The following EIF4G3 variants were observed in gnomAD, a reference collection of about 807,000 sequenced individuals.
The protein encoded by EIF4G3 is eukaryotic translation initiation factor 4 gamma 3.
In EIF4G3, 34 loss-of-function variants were observed where a neutral mutation model predicts 186.4. The ratio of observed to expected loss-of-function variants is 0.18; its 90% confidence interval spans 0.14 to 0.24. EIF4G3 has a LOEUF of 0.24. EIF4G3 is among the 10% of genes least tolerant of loss of function. The pLI, the probability that EIF4G3 is intolerant of heterozygous loss-of-function variation, is 1.00. For missense variants in EIF4G3, 1,536 were observed against 1,948.5 expected (o/e 0.79, Z 3.99); for synonymous variants, 673 against 679.5 (o/e 0.99, Z 0.15).
At chr1:21,081,807 A>C (rs1007709207) in intron 3 of EIF4G3, among the ~76,000 whole-genome samples, 3 of 151,932 alleles carry the variant, frequency 2.0e-5, no homozygotes, top group African/African-American at 7.3e-5. Context: ...ATACCCAGCT[A>C]ATTTTTTGTA....
chr1:21,094,196 G>A (rs1269098143), intron 2 of EIF4G3, among the ~76,000 whole-genome samples: 5 of 151,742 alleles, frequency 3.3e-5, no homozygotes, highest in Admixed American at 6.6e-5. Flanking sequence ...CAACCATTGT[G>A]GAAGACAGTG....
chr1:20,809,876 G>T (rs562810748), intron 36 of EIF4G3, among the ~76,000 whole-genome samples: 1 of 152,286 alleles, frequency 6.6e-6, no homozygotes, highest in South Asian at 2.1e-4. Context: ...TACCATCACT[G>T]TGGAAAGTTT....
At chr1:20,846,022 C>T (rs1208463350) in intron 29 of EIF4G3, among the ~76,000 whole-genome samples, 2 of 152,054 alleles carry the variant, frequency 1.3e-5, no homozygotes, top group Non-Finnish European at 2.9e-5. Flanking sequence ...CCTTCACTTC[C>T]CTTGTTAGCT....
intron 7 of EIF4G3, among the ~76,000 whole-genome samples, chr1:20,993,225 ACTCAAAAAGAG>A (rs1390457207): frequency 6.6e-6 from 1 of 152,124 alleles, no homozygotes; most frequent in Non-Finnish European, 1.5e-5. Flanking sequence ...ATTTGTGGGG[ACTCAAAAAGAG>A]CTCTAGCCCT....
intron 30 of EIF4G3, among the ~76,000 whole-genome samples, chr1:20,839,023 G>A (rs2067616444): frequency 6.6e-6 from 1 of 152,132 alleles, no homozygotes; most frequent in South Asian, 2.1e-4. Context: ...CTGTCGCCCA[G>A]AATGGAGTGC....
intron 14 of EIF4G3, among the ~76,000 whole-genome samples, chr1:20,922,733 T>C (rs554016256): frequency 2.6e-4 from 40 of 152,302 alleles, no homozygotes; most frequent in African/African-American, 9.6e-4. Flanking sequence ...ACCAACCCAC[T>C]TAGTGTGCAC....
rs563288141 is a variant in EIF4G3, at chr1:21,124,175, G to A, written c.-271-34962C>T. ...CTGTGGTCGTGGGCGCCTGTAATCC[G>A]AGCTACTTGGGAGGCAGAGGCAGAA... On this transcript the variant is annotated intron_variant, in intron 2 of 36. Coordinates refer to ENST00000602326, the MANE Select transcript of EIF4G3 (RefSeq NM_001391906.1). Among the ~76,000 whole-genome samples the A allele has an allele frequency of 6.6e-5, 10 of 151,936 alleles. No individual in the cohort carries two copies. The South Asian group carries it at 1.0e-3, about 16-fold the overall frequency.
intron 4 of EIF4G3, among the ~76,000 whole-genome samples, chr1:21,016,212 C>T (rs923244378): frequency 6.6e-6 from 1 of 152,078 alleles, no homozygotes; most frequent in Non-Finnish European, 1.5e-5. Context: ...ATTATTATCA[C>T]CTTAAAATAC....
intron 11 of EIF4G3, 60 bp from the exon 12 acceptor site, chr1:20,969,656 G>C: frequency 1.3e-6 from 2 of 1,541,248 alleles, no homozygotes; most frequent in Non-Finnish European, 8.9e-7. Flanking sequence ...AAATTTATAG[G>C]CATATAAGTG....
At position 20,893,497 on chromosome 1, in the gene EIF4G3, T is replaced by C; in HGVS notation, c.2253+20A>G. The C allele has an allele frequency of 6.3e-7, 1 of 1,581,364 alleles. No homozygotes were observed. The highest frequency in any genetic ancestry group is 8.6e-7 in the Non-Finnish European group (1 of 1,156,412). Reference sequence around the variant, plus strand: ...TGTGCCAGTGTCTAACTAAGTGAGTTGTAGGGAACTTGCACTTACAGGTAC... The same window carrying C: ...TGTGCCAGTGTCTAACTAAGTGAGTCGTAGGGAACTTGCACTTACAGGTAC... On this transcript the variant is annotated intron_variant, in intron 18 of 36. Transcript: ENST00000602326.
chr1:20,975,533 T>G (rs1440226545), intron 10 of EIF4G3, among the ~76,000 whole-genome samples: 1 of 151,420 alleles, frequency 6.6e-6, no homozygotes, highest in African/African-American at 2.4e-5. Flanking sequence ...TAGCAAAACA[T>G]TAAGTCTTCT....
In EIF4G3 at chr1:20,943,968, T is replaced by TGTGTGTGTGTGTGTGTGTG. The variant is rs1558362029; in HGVS notation, c.824-1639_824-1638insCACACACACACACACACAC. Among the ~76,000 whole-genome samples, 17 of 11,952 alleles carry TGTGTGTGTGTGTGTGTGTG rather than the reference T, an allele frequency of 1.4e-3. 3 individuals are homozygous for TGTGTGTGTGTGTGTGTGTG. Among genetic ancestry groups the TGTGTGTGTGTGTGTGTGTG allele is most frequent in the East Asian group, 7.0e-3 (7 of 1,004 alleles). 7.8% of individuals were successfully genotyped at this position (11,952 alleles called of 152,430 possible). A position where few individuals can be genotyped will look rare whatever the true frequency, so the allele number is the denominator to read the frequency against. ...AATATTTCAGGAAAACTTGTCTTTA[T>TGTGTGTGTGTGTGTGTGTG]TTTTTTTGTGTGTGTGTGTGTGTGT... On this transcript the variant is annotated intron_variant, in intron 13 of 36. Coordinates refer to ENST00000602326, the MANE Select transcript of EIF4G3 (RefSeq NM_001391906.1).
chr1:20,892,554 G>A (rs2086444925), intron 18 of EIF4G3: 1 of 1,134,244 alleles, frequency 8.8e-7, no homozygotes, highest in Non-Finnish European at 1.3e-6. Flanking sequence ...TAAATAAAAA[G>A]AGCGTAACAG....
At chr1:20,897,225 T>A (rs181936763) in intron 16 of EIF4G3, among the ~76,000 whole-genome samples, 1 of 152,296 alleles carries the variant, frequency 6.6e-6, no homozygotes, top group East Asian at 1.9e-4. Flanking sequence ...CAAGTAGGAA[T>A]CACTTCACAT....
intron 12 of EIF4G3, among the ~76,000 whole-genome samples, chr1:20,965,580 T>C (rs2074447495): frequency 1.3e-5 from 1 of 75,094 alleles, no homozygotes; most frequent in African/African-American, 4.1e-5. Context: ...ACCTGAAATA[T>C]GATAATAATA....
chr1:20,939,847 G>GTTT lies in EIF4G3; in HGVS notation c.1663+1641_1663+1643dup, dbSNP rs538504683. On this transcript the variant is annotated intron_variant, in intron 14 of 36. Coordinates refer to ENST00000602326, the MANE Select transcript of EIF4G3 (RefSeq NM_001391906.1). The stretch of plus-strand genomic sequence containing the variant: ...AGCCACACCAACACCAAGTTGTTTA[G>GTTT]TTTTTTTTTTTTTTTTTTTTTTTTT... Among the ~76,000 whole-genome samples the GTTT allele has an allele frequency of 5.6e-3, 500 of 89,924 alleles. 2 individuals are homozygous for GTTT. The highest frequency in any genetic ancestry group is 0.01 in the East Asian group (25 of 2,500). The allele number at this position is 89,924 out of a possible 152,430, so 59.0% of individuals were successfully genotyped here.
chr1:20,886,361 A>G lies in EIF4G3; in HGVS notation c.2264T>C (p.Val755Ala). The G allele has an allele frequency of 6.2e-7, 1 of 1,613,062 alleles. No individual in the cohort carries two copies. The highest frequency in any genetic ancestry group is 8.5e-7 in the Non-Finnish European group (1 of 1,179,684). ...GCCAGGTTGAGATCTTCGTGACCCA[A>G]CATTCAACAACTAGGACAAGAATAT... ...PGGRGVPLLN[V>A]GSRRSQPGQR... is the part of the protein sequence containing the mutation. Residue 755 changes from valine to alanine, a missense_variant, in exon 19 of 37, where the codon GTT becomes GCT. Physicochemically the swap from Val to Ala is moderately conservative, Grantham distance 64 (BLOSUM62 0). Around this residue, in one of 11 missense-constraint regions of EIF4G3, gnomAD observed 139 missense variants for 192.8 expected, o/e 0.72. Coordinates refer to ENST00000602326, the MANE Select transcript of EIF4G3 (RefSeq NM_001391906.1).
intron 30 of EIF4G3, among the ~76,000 whole-genome samples, chr1:20,838,891 G>A (rs1347709972): frequency 1.3e-5 from 2 of 152,112 alleles, no homozygotes; most frequent in East Asian, 3.9e-4. Flanking sequence ...TGCCCAGGCT[G>A]GTCTTAAACT....
At chr1:21,140,220 TG>T in intron 2 of EIF4G3, among the ~76,000 whole-genome samples, 1 of 152,166 alleles carries the variant, frequency 6.6e-6, no homozygotes, top group Non-Finnish European at 1.5e-5. Context: ...ATTTTCCAAT[TG>T]CAAAGAAGGC....
Sources: gnomAD v4.1 joint callset for allele counts (sites outside exome capture counted in the v4.1 genomes callset) on GRCh38, gnomAD v4.1.1 for gene constraint, gnomAD v4.1.1 regional missense constraint, MANE v1.5 for transcripts, NCBI Gene and HGNC (gene_info 2026-07-23, HGNC 2026-07-21) for gene names.